CHODL: variants seen among roughly 807,000 people sequenced by gnomAD.
CHODL encodes the protein chondrolectin, also known as transmembrane protein MT75.
A neutral mutation model predicts 34.5 loss-of-function variants in CHODL; 29 were observed. The observed-to-expected ratio is 0.84, with a 90% CI of 0.63 to 1.15. The LOEUF (loss-of-function observed/expected upper bound fraction) is 1.15, where lower values mean the gene tolerates loss of function less well. Among genes scored for constraint, CHODL ranks in the 50% most tolerant of loss-of-function variants. The pLI is 0.00. For missense variants in CHODL, 332 were observed against 332.5 expected (o/e 1.00, Z 0.01); for synonymous variants, 125 against 116.1 (o/e 1.08, Z -0.49).
chr21:18,023,452 G>T (rs1019269902), intron 1 of CHODL, among the ~76,000 whole-genome samples: 1 of 152,044 alleles, frequency 6.6e-6, no homozygotes, highest in African/African-American at 2.4e-5. Context: ...CGTGGGCCAG[G>T]GACCAGTGCT....
chr21:18,159,295 A>G (rs2824666), intron 2 of CHODL, among the ~76,000 whole-genome samples: 92,251 of 152,026 alleles, frequency 0.61, 29,907 homozygotes, highest in Non-Finnish European at 0.73. Flanking sequence ...ATGTTTAAAC[A>G]CAAACGTTTG....
intron 2 of CHODL, among the ~76,000 whole-genome samples, chr21:18,043,670 C>T (rs577294437): frequency 6.6e-6 from 1 of 151,886 alleles, no homozygotes; most frequent in Non-Finnish European, 1.5e-5. Flanking sequence ...TATTAGTTAC[C>T]CACCTAGGCT....
chr21:18,267,163 G>T lies in CHODL; in HGVS notation c.*1125G>T, dbSNP rs575054972. ...TAGGAAGGAAAGGAACTACGAAATCGTGTGAAAATGGGTTGGAACCCATCA... is the reference window on the plus strand; with the variant it reads ...TAGGAAGGAAAGGAACTACGAAATCTTGTGAAAATGGGTTGGAACCCATCA... On this transcript the variant is annotated 3_prime_UTR_variant, in exon 6 of 6. Transcript: ENST00000299295. 9.2e-5 allele frequency: 14 copies of T among 152,326 alleles called. No homozygotes were observed. The highest frequency in any genetic ancestry group is 3.3e-4 in the Admixed American group (5 of 15,294). The allele number at this position is 152,326 out of a possible 1,614,324, so 9.4% of individuals were successfully genotyped here.
At chr21:18,193,984 A>G (rs73893023) in intron 2 of CHODL, among the ~76,000 whole-genome samples, 6,116 of 152,030 alleles carry the variant, frequency 0.04, 415 homozygotes, top group African/African-American at 0.14. Flanking sequence ...CTCTCCTGCC[A>G]TTTAGTAGAG....
chr21:18,038,102 T>G (rs1045663353), intron 2 of CHODL, among the ~76,000 whole-genome samples: 9 of 151,708 alleles, frequency 5.9e-5, no homozygotes, highest in Admixed American at 4.6e-4. Flanking sequence ...TTTACTAAGT[T>G]GCTTCCAAAA....
At chr21:18,253,102 G>C (rs2074277448) in intron 1 of CHODL, among the ~76,000 whole-genome samples, 1 of 152,026 alleles carries the variant, frequency 6.6e-6, no homozygotes, top group Admixed American at 6.6e-5. Flanking sequence ...CATTTAATTA[G>C]AAGTACTATC....
intron 1 of CHODL, among the ~76,000 whole-genome samples, chr21:17,981,128 A>G (rs749636858): frequency 6.6e-6 from 1 of 151,908 alleles, no homozygotes; most frequent in Non-Finnish European, 1.5e-5. Context: ...GTGTTATTCC[A>G]TCTATGGAAA....
intron 2 of CHODL, among the ~76,000 whole-genome samples, chr21:18,191,107 T>A (rs920217830): frequency 6.6e-6 from 1 of 152,160 alleles, no homozygotes; most frequent in Non-Finnish European, 1.5e-5. Context: ...TTTAGATGAA[T>A]GTACAAAATT....
chr21:17,936,464 T>TA (rs11294493), intron 1 of CHODL, among the ~76,000 whole-genome samples: 46,317 of 143,118 alleles, frequency 0.32, 8,003 homozygotes, highest in South Asian at 0.47. Context: ...AAGATGATGT[T>TA]AAAAAAAAAA....
intron 2 of CHODL, among the ~76,000 whole-genome samples, chr21:18,170,532 T>C (rs1186654609): frequency 1.3e-5 from 2 of 152,174 alleles, no homozygotes; most frequent in Non-Finnish European, 2.9e-5. Context: ...TTCTGTGTAC[T>C]GTCTTAATTC....
intron 2 of CHODL, among the ~76,000 whole-genome samples, chr21:18,121,847 G>T (rs879503645): frequency 6.6e-6 from 1 of 151,980 alleles, no homozygotes; most frequent in Admixed American, 6.6e-5. Flanking sequence ...CTATCTTTAC[G>T]TCATCAACTA....
At chr21:18,256,481 T>C (rs1316287906) in intron 1 of CHODL, 28 bp from the exon 2 acceptor site, 1 of 1,564,290 alleles carries the variant, frequency 6.4e-7, no homozygotes, top group Non-Finnish European at 8.6e-7. Flanking sequence ...CGATTATCAA[T>C]ATATGGGCAT....
At chr21:18,056,148 A>G (rs1220689576) in intron 2 of CHODL, among the ~76,000 whole-genome samples, 3 of 151,942 alleles carry the variant, frequency 2.0e-5, no homozygotes, top group Admixed American at 1.3e-4. Context: ...TTTTTATTCA[A>G]TCTCATACTT....
At chr21:18,001,093 C>T (rs1386649465) in intron 1 of CHODL, among the ~76,000 whole-genome samples, 1 of 152,168 alleles carries the variant, frequency 6.6e-6, no homozygotes, top group Non-Finnish European at 1.5e-5. Context: ...CTATTTCAAA[C>T]ACTGGGCATG....
rs917076369 is a variant in CHODL, at chr21:18,259,244, C to CT, written c.548-948dup. On this transcript the variant is annotated intron_variant, in intron 3 of 5. Transcript: ENST00000299295. ...GAACAAATGGAAACAAATTTACAGG[C>CT]TTTTTTTTAAATAATTCAATTTATT... is the stretch of plus-strand genomic sequence containing the variant. 2.4e-4 allele frequency among the ~76,000 whole-genome samples: 37 copies of CT among 151,716 alleles called. No individual in the cohort carries two copies. The East Asian group carries it at 3.7e-3, about 15-fold the overall frequency.
At chr21:17,984,733 A>C (rs1025310432) in intron 1 of CHODL, among the ~76,000 whole-genome samples, 1 of 151,764 alleles carries the variant, frequency 6.6e-6, no homozygotes, top group Admixed American at 6.6e-5. Context: ...GTAGACTCAG[A>C]TTTTCTTCTG....
intron 2 of CHODL, among the ~76,000 whole-genome samples, chr21:18,145,247 T>C: frequency 5.3e-4 from 1 of 1,900 alleles, no homozygotes. Context: ...CCATCCTGGC[T>C]AACAAGGTGA....
chr21:17,982,973 C>T (rs2063726186), intron 1 of CHODL, among the ~76,000 whole-genome samples: 1 of 152,124 alleles, frequency 6.6e-6, no homozygotes, highest in African/African-American at 2.4e-5. Context: ...GATCTGCCCA[C>T]CTTGGCTTCC....
chr21:17,933,549 G>T (rs571734542), intron 1 of CHODL, among the ~76,000 whole-genome samples: 1 of 152,136 alleles, frequency 6.6e-6, no homozygotes, highest in Non-Finnish European at 1.5e-5. Context: ...GAGAGCACGG[G>T]GTTGGGGTAA....
Sources: allele counts gnomAD v4.1 joint callset (sites outside exome capture counted in the v4.1 genomes callset), GRCh38; gene constraint gnomAD v4.1.1; transcripts MANE v1.5; gene names NCBI Gene and HGNC (gene_info 2026-07-23, HGNC 2026-07-21).